Variants in PCDHGA2 observed in about 807,000 individuals in gnomAD.
The protein encoded by PCDHGA2 is protocadherin gamma subfamily A, 2, also known as protocadherin gamma-A2.
In PCDHGA2, 40 loss-of-function variants were observed where a neutral mutation model predicts 59.2. That is an observed-to-expected ratio of 0.68 (90% CI 0.52 to 0.88). PCDHGA2 has a LOEUF of 0.88. Among genes scored for constraint, PCDHGA2 ranks in the 40% least tolerant of loss-of-function variants. PCDHGA2 has a pLI of 0.00. For missense variants in PCDHGA2, 1,226 were observed against 1,204.0 expected (o/e 1.02, Z -0.27); for synonymous variants, 560 against 526.0 (o/e 1.06, Z -0.89).
In PCDHGA2 at chr5:141,393,089, G is replaced by A. The variant is rs1168367249; in HGVS notation, c.2424+51694G>A. 4 of 1,613,660 alleles carry A rather than the reference G, an allele frequency of 2.5e-6. No homozygotes were observed. In the East Asian group the frequency reaches 6.7e-5, roughly 27 times the overall value. ...TGATCACCGCGGGCAGGATAGATCGGGAGGAGCTCTGCGCTCAGAGCCCGC... is the reference window on the plus strand; with the variant it reads ...TGATCACCGCGGGCAGGATAGATCGAGAGGAGCTCTGCGCTCAGAGCCCGC... On this transcript the variant is annotated intron_variant, in intron 1 of 3. Transcript: ENST00000394576.
chr5:141,400,611 G>T (rs555600694), intron 1 of PCDHGA2: 1 of 1,573,002 alleles, frequency 6.4e-7, no homozygotes, highest in South Asian at 1.1e-5. Context: ...CAAGTCCAAT[G>T]AGTTGTCTTA....
At chr5:141,371,738 C>A (rs765693064) in intron 1 of PCDHGA2, 9 of 1,613,934 alleles carry the variant, frequency 5.6e-6, no homozygotes, top group African/African-American at 1.3e-5. Context: ...TCAACGACAA[C>A]GTTCCCGTTT....
At chr5:141,388,703 C>T in intron 1 of PCDHGA2, 1 of 1,613,982 alleles carries the variant, frequency 6.2e-7, no homozygotes, top group Non-Finnish European at 8.5e-7. Context: ...ATGAGGGTGT[C>T]AATGCCGAGA....
In PCDHGA2 at chr5:141,494,676, C is replaced by T. The variant is rs2099755997; in HGVS notation, c.2425-131C>T. On this transcript the variant is annotated intron_variant, in intron 1 of 3. Transcript: ENST00000394576. ...TTTGTCTTTGGAGATGAGTCCACCCCTGCCCCCTCTTAGTCCGTTTTCTTC... is the reference window on the plus strand; with the variant it reads ...TTTGTCTTTGGAGATGAGTCCACCCTTGCCCCCTCTTAGTCCGTTTTCTTC... 1.7e-5 allele frequency: 26 copies of T among 1,550,800 alleles called. No individual in the cohort carries two copies. In the South Asian group the frequency reaches 3.0e-4, roughly 18 times the overall value.
intron 1 of PCDHGA2, chr5:141,409,044 T>G (rs2095215005): frequency 6.2e-7 from 1 of 1,613,762 alleles, no homozygotes; most frequent in African/African-American, 1.3e-5. Context: ...AACTACTACT[T>G]CCGAAGCACT....
rs1254438724 is a variant in PCDHGA2 at position 141,389,817 on chromosome 5, C to T, written c.2424+48422C>T. 17 of 1,613,870 alleles carry T rather than the reference C, an allele frequency of 1.1e-5. No homozygotes were observed. Among genetic ancestry groups the T allele is most frequent in the Non-Finnish European group, 1.4e-5 (16 of 1,179,892 alleles). On this transcript the variant is annotated intron_variant, in intron 1 of 3. Transcript: ENST00000394576. ...CCGCCAGCGCCTTCTGGTCGCCGTG[C>T]GTGACGGTGGACAGCCACCACTCTC...
At chr5:141,449,282 G>A (rs1285842278) in intron 1 of PCDHGA2, among the ~76,000 whole-genome samples, 17 of 152,002 alleles carry the variant, frequency 1.1e-4, no homozygotes, top group Admixed American at 4.6e-4. Context: ...CCTTCACCCG[G>A]ATGCACCGGG....
intron 1 of PCDHGA2, chr5:141,388,397 A>G (rs375367492): frequency 2.9e-4 from 463 of 1,613,838 alleles, no homozygotes; most frequent in Non-Finnish European, 3.7e-4. Context: ...AGAATTACCA[A>G]CTCAGTCCCA....
intron 1 of PCDHGA2, chr5:141,400,068 GC>G (rs1160956861): frequency 6.2e-7 from 1 of 1,613,706 alleles, no homozygotes; most frequent in African/African-American, 1.3e-5. Context: ...ATGGTGGACA[GC>G]CGCCACTCTC....
chr5:141,454,893 C>T (rs1414320972), intron 1 of PCDHGA2, among the ~76,000 whole-genome samples: 7 of 146,892 alleles, frequency 4.8e-5, no homozygotes, highest in Admixed American at 1.4e-4. Flanking sequence ...CTGCTAGCAC[C>T]GCCTCCCGGG....
intron 1 of PCDHGA2, among the ~76,000 whole-genome samples, chr5:141,470,842 C>A (rs2099241464): frequency 6.6e-6 from 1 of 152,044 alleles, no homozygotes; most frequent in Non-Finnish European, 1.5e-5. Context: ...CACACGCCAC[C>A]ATGCTCAGAT....
In PCDHGA2 at chr5:141,477,453, A is replaced by T; in HGVS notation, c.2425-17354A>T. On this transcript the variant is annotated intron_variant, in intron 1 of 3. Transcript: ENST00000394576. This position sits in a 1 kb window ranked among gnomAD's most constrained non-coding sequence, Gnocchi z 4.9. Reference sequence around the variant, plus strand: ...TCAGCCCTTACAATAGTGCGTGTTCAAGTGTCCGACATCAATGACAACCCT... The same window carrying T: ...TCAGCCCTTACAATAGTGCGTGTTCTAGTGTCCGACATCAATGACAACCCT... The T allele has an allele frequency of 6.2e-7, 1 of 1,614,136 alleles. No homozygotes were observed. The highest frequency in any genetic ancestry group is 8.5e-7 in the Non-Finnish European group (1 of 1,180,026).
At chr5:141,409,378 C>G (rs780715519) in intron 1 of PCDHGA2, 3 of 1,613,996 alleles carry the variant, frequency 1.9e-6, no homozygotes, top group Non-Finnish European at 2.5e-6. Context: ...ACATTCCATT[C>G]AAGATTTATT....
intron 1 of PCDHGA2, chr5:141,409,705 G>A (rs747252229): frequency 6.2e-6 from 10 of 1,613,134 alleles, no homozygotes; most frequent in Non-Finnish European, 7.6e-6. Flanking sequence ...CCCTGGCGGT[G>A]TCGTCATACG....
intron 1 of PCDHGA2, among the ~76,000 whole-genome samples, chr5:141,488,635 C>T (rs1476156734): frequency 6.6e-6 from 1 of 152,152 alleles, no homozygotes; most frequent in Non-Finnish European, 1.5e-5. Flanking sequence ...ACCTTAGCAG[C>T]ATTCAGCAGG....
At position 141,355,954 on chromosome 5, in the gene PCDHGA2, C is replaced by T. The variant is rs748883538; in HGVS notation, c.2424+14559C>T. The stretch of plus-strand genomic sequence containing the variant: ...TCAGCCCGAGTACCACGTAAGTGTT[C>T]GTGAGAACGTTCCTGTAGGCACTCG... On this transcript the variant is annotated intron_variant, in intron 1 of 3. Coordinates refer to ENST00000394576, the MANE Select transcript of PCDHGA2 (RefSeq NM_018915.4). The T allele has an allele frequency of 1.9e-5, 30 of 1,613,706 alleles. No individual in the cohort carries two copies. In the African/African-American group the frequency reaches 2.9e-4, roughly 16 times the overall value.
At chr5:141,399,739 C>T (rs774893843) in intron 1 of PCDHGA2, 2 of 1,613,218 alleles carry the variant, frequency 1.2e-6, no homozygotes, top group Non-Finnish European at 1.7e-6. Flanking sequence ...CTCGCCTGCG[C>T]TCAGCGCAAA....
intron 1 of PCDHGA2, among the ~76,000 whole-genome samples, chr5:141,445,458 A>G (rs1427391084): frequency 6.6e-6 from 1 of 152,248 alleles, no homozygotes; most frequent in Non-Finnish European, 1.5e-5. Flanking sequence ...TGCAGCAATG[A>G]ACAAGGCATA....
At chr5:141,400,760 C>G (rs1296918626) in intron 1 of PCDHGA2, 2 of 582,290 alleles carry the variant, frequency 3.4e-6, no homozygotes, top group Non-Finnish European at 6.0e-6. Context: ...TCCTCTCTAG[C>G]AAAAACATTT....
Sources: allele counts gnomAD v4.1 joint callset (sites outside exome capture counted in the v4.1 genomes callset), GRCh38; gene constraint gnomAD v4.1.1; non-coding constraint Gnocchi (gnomAD v3.1); transcripts MANE v1.5; gene names NCBI Gene and HGNC (gene_info 2026-07-23, HGNC 2026-07-21).